The following PCDHGB2 variants were observed in gnomAD, a reference collection of about 807,000 sequenced individuals.
PCDHGB2 encodes protocadherin gamma-B2.
In PCDHGB2, 55 loss-of-function variants were observed where a neutral mutation model predicts 59.3. The observed-to-expected ratio is 0.93, with a 90% CI of 0.75 to 1.16. The LOEUF (loss-of-function observed/expected upper bound fraction) is 1.16, where lower values mean the gene tolerates loss of function less well. Among genes scored for constraint, PCDHGB2 ranks in the 50% most tolerant of loss-of-function variants. The pLI is 0.00. For missense variants in PCDHGB2, 1,228 were observed against 1,198.5 expected, an observed-to-expected ratio of 1.02 and a Z score of -0.36; for synonymous variants, 516 against 512.0, an observed-to-expected ratio of 1.01 and a Z score of -0.11.
intron 1 of PCDHGB2, among the ~76,000 whole-genome samples, chr5:141,466,884 T>G (rs901947336): frequency 2.6e-5 from 4 of 152,212 alleles, no homozygotes; most frequent in Admixed American, 1.3e-4. Flanking sequence ...TTTCATAATA[T>G]GCATTTTCCA....
chr5:141,419,923 G>A, intron 1 of PCDHGB2: 4 of 1,614,088 alleles, frequency 2.5e-6, no homozygotes, highest in Non-Finnish European at 3.4e-6. Flanking sequence ...AGGCTGAGAT[G>A]CAGTTTTACC....
chr5:141,365,408 T>C, intron 1 of PCDHGB2: 1 of 1,614,004 alleles, frequency 6.2e-7, no homozygotes, highest in Non-Finnish European at 8.5e-7. Flanking sequence ...CTCTGAAGAC[T>C]GTCTTCCCGG....
chr5:141,420,507 A>G (rs548077936), intron 1 of PCDHGB2: 1 of 428,282 alleles, frequency 2.3e-6, no homozygotes, highest in African/African-American at 2.0e-5. Context: ...TGACATTTTT[A>G]TGAAGTAAAA....
chr5:141,383,312 T>C (rs1271523069), intron 1 of PCDHGB2: 1 of 1,613,832 alleles, frequency 6.2e-7, no homozygotes, highest in Admixed American at 1.7e-5. Flanking sequence ...ACGGAAGAAA[T>C]AAATGTAAAA....
intron 1 of PCDHGB2, chr5:141,409,345 A>G (rs1012428329): frequency 6.2e-7 from 1 of 1,614,020 alleles, no homozygotes; most frequent in Non-Finnish European, 8.5e-7. Flanking sequence ...GAAATGGAGA[A>G]GTCAGGTGTA....
intron 1 of PCDHGB2, chr5:141,387,775 A>C (rs2091090328): frequency 6.9e-7 from 1 of 1,450,000 alleles, no homozygotes; most frequent in South Asian, 1.4e-5. Context: ...TTTTTTCTTG[A>C]ACTGGAACTG....
chr5:141,409,872 A>G (rs1283725014), intron 1 of PCDHGB2: 1 of 1,612,710 alleles, frequency 6.2e-7, no homozygotes, highest in Non-Finnish European at 8.5e-7. Flanking sequence ...GACCGCAATG[A>G]CAACGCACCG....
chr5:141,478,272 A>T, intron 1 of PCDHGB2: 7 of 1,614,160 alleles, frequency 4.3e-6, no homozygotes, highest in Non-Finnish European at 5.9e-6. Context: ...AAAGTTTACA[A>T]GTGGAAGCAG....
At chr5:141,417,440 T>C (rs889107076) in intron 1 of PCDHGB2, 1 of 166,232 alleles carries the variant, frequency 6.0e-6, no homozygotes, top group African/African-American at 2.4e-5. Flanking sequence ...TAAAAAGATA[T>C]GATAGTTATG....
At chr5:141,376,974 A>T (rs1055212132) in intron 1 of PCDHGB2, 1 of 158,030 alleles carries the variant, frequency 6.3e-6, no homozygotes, top group Non-Finnish European at 1.4e-5. Context: ...GGCGTGAGCC[A>T]CCGCGCCCGG....
chr5:141,414,185 T>C lies in PCDHGB2; in HGVS notation c.2421+51629T>C, dbSNP rs374044785. ...GGAGCATATCTTGCAACTGCAAAAG[T>C]GTTGATTACAGTAGAAGATGTAAAT... On this transcript the variant is annotated intron_variant, in intron 1 of 3. Transcript: ENST00000522605. The C allele has an allele frequency of 1.2e-5, 19 of 1,609,558 alleles. No homozygotes were observed. The highest frequency in any genetic ancestry group is 1.6e-5 in the Non-Finnish European group (19 of 1,177,778).
chr5:141,367,840 G>A (rs1011519474), intron 1 of PCDHGB2: 3 of 151,982 alleles, frequency 2.0e-5, no homozygotes, highest in Admixed American at 2.0e-4. Flanking sequence ...AATACCTACT[G>A]CAATGTTAGC....
chr5:141,464,707 A>G (rs1052234067), intron 1 of PCDHGB2, among the ~76,000 whole-genome samples: 13 of 152,112 alleles, frequency 8.5e-5, no homozygotes, highest in African/African-American at 3.1e-4. Flanking sequence ...ATGAGGTTAA[A>G]TAGTTTTTCA....
chr5:141,408,669 C>T lies in PCDHGB2; in HGVS notation c.2421+46113C>T, dbSNP rs2095146839. ...GCTGGTACACGACTATCGCTTGACCCTGCCACGGATCCTGATATAAACATA... is the reference window on the plus strand; with the variant it reads ...GCTGGTACACGACTATCGCTTGACCTTGCCACGGATCCTGATATAAACATA... On this transcript the variant is annotated intron_variant, in intron 1 of 3. Transcript: ENST00000522605. The T allele has an allele frequency of 2.5e-6, 4 of 1,613,988 alleles. No homozygotes were observed. Among genetic ancestry groups the T allele is most frequent in the South Asian group, 2.2e-5 (2 of 91,078 alleles).
intron 1 of PCDHGB2, chr5:141,379,738 A>T (rs1218280067): frequency 1.3e-5 from 2 of 152,158 alleles, no homozygotes; most frequent in Non-Finnish European, 2.9e-5. Flanking sequence ...GTTATGGCTA[A>T]ATGAGGTTCT....
intron 1 of PCDHGB2, chr5:141,400,399 A>G: frequency 6.2e-7 from 1 of 1,614,054 alleles, no homozygotes; most frequent in Non-Finnish European, 8.5e-7. Context: ...TACAGGAAAG[A>G]CGGAGTTTAA....
intron 1 of PCDHGB2, among the ~76,000 whole-genome samples, chr5:141,466,063 A>G (rs554503713): frequency 3.3e-5 from 5 of 152,268 alleles, no homozygotes; most frequent in Admixed American, 6.5e-5. Context: ...CGGAGCTTGC[A>G]GTGAGCTGAT....
chr5:141,414,934 G>A (rs1473788181), intron 1 of PCDHGB2: 1 of 1,614,146 alleles, frequency 6.2e-7, no homozygotes, highest in South Asian at 1.1e-5. Context: ...CCGCTCCGCA[G>A]AGCCCGGCTA....
intron 1 of PCDHGB2, chr5:141,400,435 A>G (rs2094019562): frequency 6.2e-7 from 1 of 1,614,078 alleles, no homozygotes. Flanking sequence ...TGAGCAATTG[A>G]GTTCAGGACA....
Sources: allele counts gnomAD v4.1 joint callset (sites outside exome capture counted in the v4.1 genomes callset), GRCh38; gene constraint gnomAD v4.1.1; transcripts MANE v1.5; gene names NCBI Gene and HGNC (gene_info 2026-07-23, HGNC 2026-07-21).